Variants in SCHIP1 observed in about 807,000 individuals in gnomAD.
SCHIP1 encodes schwannomin interacting protein 1.
SCHIP1 carries 8 observed loss-of-function variants against 29.7 expected under a neutral mutation model. That is an observed-to-expected ratio of 0.27 (90% confidence interval 0.16 to 0.49). SCHIP1 has a LOEUF of 0.49. Among genes scored for constraint, SCHIP1 ranks in the 20% least tolerant of loss-of-function variants. SCHIP1 has a pLI of 0.99. For synonymous variants in SCHIP1, 76 were observed against 94.9 expected (o/e 0.80, Z 1.16); for missense variants, 193 against 294.6 (o/e 0.66, Z 2.52).
the SCHIP1 span, among the ~76,000 whole-genome samples, chr3:159,600,655 T>G: frequency 1.3e-5 from 2 of 152,224 alleles, no homozygotes; most frequent in African/African-American, 4.8e-5. Flanking sequence ...TATTCTGAAT[T>G]CTTTATTGGG....
At chr3:159,722,843 T>C in the SCHIP1 span, among the ~76,000 whole-genome samples, 2 of 152,192 alleles carry the variant, frequency 1.3e-5, no homozygotes, top group Non-Finnish European at 2.9e-5. Context: ...TGTTTCTGAG[T>C]CCAATTTTCT....
the SCHIP1 span, among the ~76,000 whole-genome samples, chr3:159,705,290 T>C: frequency 6.6e-6 from 1 of 151,990 alleles, no homozygotes; most frequent in Non-Finnish European, 1.5e-5. Context: ...CAAAAATTAA[T>C]TTTGGGTTTT....
chr3:159,658,350 G>A, the SCHIP1 span, among the ~76,000 whole-genome samples: 6 of 152,080 alleles, frequency 3.9e-5, no homozygotes, highest in Non-Finnish European at 7.4e-5. Flanking sequence ...AGGGAACAGT[G>A]GCAGATATTT....
the SCHIP1 span, among the ~76,000 whole-genome samples, chr3:159,430,436 G>T: frequency 3.3e-5 from 5 of 152,188 alleles, no homozygotes; most frequent in Admixed American, 6.5e-5. Flanking sequence ...AGACAAAAAA[G>T]AATTCTTCCT....
chr3:159,643,804 C>T, the SCHIP1 span, among the ~76,000 whole-genome samples: 2 of 152,002 alleles, frequency 1.3e-5, no homozygotes, highest in Admixed American at 1.3e-4. Context: ...GCATAATGAA[C>T]CTGGCCTAAA....
chr3:159,620,182 T>C, the SCHIP1 span, among the ~76,000 whole-genome samples: 1 of 152,196 alleles, frequency 6.6e-6, no homozygotes, highest in Non-Finnish European at 1.5e-5. Context: ...TATAAGAGAT[T>C]CATTTAATTT....
the SCHIP1 span, among the ~76,000 whole-genome samples, chr3:159,698,781 G>A: frequency 6.6e-6 from 1 of 152,028 alleles, no homozygotes; most frequent in Non-Finnish European, 1.5e-5. Context: ...TGGGATTACA[G>A]GCTACAGGCG....
the SCHIP1 span, among the ~76,000 whole-genome samples, chr3:159,468,633 AAAT>A: frequency 4.3e-4 from 64 of 149,876 alleles, no homozygotes; most frequent in African/African-American, 1.3e-3. Flanking sequence ...TAAAATAATA[AAAT>A]AAAATTATTC....
chr3:159,603,687 C>T, the SCHIP1 span, among the ~76,000 whole-genome samples: 1 of 152,174 alleles, frequency 6.6e-6, no homozygotes, highest in African/African-American at 2.4e-5. Flanking sequence ...ATTTCTAACC[C>T]TATCCAATAC....
chr3:159,837,722 G>GA (rs1210455659), upstream of SCHIP1, among the ~76,000 whole-genome samples: 79 of 138,582 alleles, frequency 5.7e-4, no homozygotes, highest in Middle Eastern at 3.8e-3. Flanking sequence ...TCCCCCGCCC[G>GA]AAAAAAAAAA....
chr3:159,614,850 G>A, the SCHIP1 span, among the ~76,000 whole-genome samples: 1 of 152,204 alleles, frequency 6.6e-6, no homozygotes, highest in Non-Finnish European at 1.5e-5. Context: ...CCTGCTATCA[G>A]CCAGGCACTG....
the SCHIP1 span, among the ~76,000 whole-genome samples, chr3:159,819,558 C>G: frequency 7.9e-5 from 12 of 152,182 alleles, no homozygotes; most frequent in Non-Finnish European, 1.3e-4. Context: ...TGGCACTGCT[C>G]TTTATCTGCT....
At chr3:159,333,290 A>G in the SCHIP1 span, among the ~76,000 whole-genome samples, 1 of 152,196 alleles carries the variant, frequency 6.6e-6, no homozygotes, top group Non-Finnish European at 1.5e-5. Context: ...AAAATATAAG[A>G]ATTGGAAAAT....
chr3:159,756,005 G>A, the SCHIP1 span, among the ~76,000 whole-genome samples: 4 of 152,290 alleles, frequency 2.6e-5, no homozygotes, highest in East Asian at 5.8e-4. Flanking sequence ...CTGCTTTCAC[G>A]GGCTGTTGTT....
chr3:159,281,261 C>A, the SCHIP1 span, among the ~76,000 whole-genome samples: 1 of 152,140 alleles, frequency 6.6e-6, no homozygotes, highest in Non-Finnish European at 1.5e-5. Flanking sequence ...GGCAGGAAGA[C>A]CTGCTAGAAT....
the SCHIP1 span, among the ~76,000 whole-genome samples, chr3:159,720,897 G>A: frequency 2.0e-5 from 3 of 152,058 alleles, no homozygotes; most frequent in Non-Finnish European, 2.9e-5. Context: ...TTTAGCTCCT[G>A]TTTTCAGCAG....
chr3:159,487,785 G>A, the SCHIP1 span, among the ~76,000 whole-genome samples: 4 of 152,278 alleles, frequency 2.6e-5, no homozygotes, highest in African/African-American at 7.2e-5. Flanking sequence ...TAGTATGAAA[G>A]TTCCCCTCAT....
chr3:159,377,096 T>C, the SCHIP1 span, among the ~76,000 whole-genome samples: 1 of 152,194 alleles, frequency 6.6e-6, no homozygotes, highest in Non-Finnish European at 1.5e-5. Flanking sequence ...AACTAAAAAG[T>C]AGTCTTGATT....
At chr3:159,730,861 A>G in the SCHIP1 span, among the ~76,000 whole-genome samples, 27 of 152,208 alleles carry the variant, frequency 1.8e-4, no homozygotes, top group African/African-American at 6.0e-4. Context: ...TCATAAAACT[A>G]TCTAGACATC....
Sources: gnomAD v4.1 joint callset for allele counts (sites outside exome capture counted in the v4.1 genomes callset) on GRCh38, gnomAD v4.1.1 for gene constraint, MANE v1.5 for transcripts, NCBI Gene and HGNC (gene_info 2026-07-23, HGNC 2026-07-21) for gene names.